Variants in TCEA3 observed in about 807,000 individuals in gnomAD.
TCEA3 encodes the protein transcription elongation factor A3, also known as transcription elongation factor A protein 3.
In TCEA3, 36 loss-of-function variants were observed where a neutral mutation model predicts 44.0. That is an observed-to-expected ratio of 0.82 (90% CI 0.63 to 1.08). The LOEUF (loss-of-function observed/expected upper bound fraction) is 1.08. Ranked by LOEUF, TCEA3 falls within the 50% of genes least tolerant of loss-of-function variation. The probability of loss-of-function intolerance (pLI) is 0.00; values close to 1 mark genes in which losing one functional copy is unlikely to be tolerated. For missense variants in TCEA3, 392 were observed against 441.2 expected, an observed-to-expected ratio of 0.89 and a Z score of 1.00; for synonymous variants, 162 against 159.7, an observed-to-expected ratio of 1.01 and a Z score of -0.11.
chr1:23,417,468 G>A (rs1639927586), intron 3 of TCEA3, 78 bp from the exon 4 acceptor site: 1 of 1,529,820 alleles, frequency 6.5e-7, no homozygotes, highest in Admixed American at 2.3e-5. Context: ...TGGGGAGAGA[G>A]CAAAGGGCAG....
chr1:23,408,421 A>T, intron 5 of TCEA3: 2 of 435,252 alleles, frequency 4.6e-6, no homozygotes, highest in Non-Finnish European at 8.3e-6. Context: ...GGATGAATGA[A>T]TAAATGAATG....
chr1:23,383,149 C>G (rs187371453), intron 10 of TCEA3, among the ~76,000 whole-genome samples: 56 of 151,828 alleles, frequency 3.7e-4, no homozygotes, highest in African/African-American at 8.7e-4. Flanking sequence ...GTGTGGTGGC[C>G]GGCGCCTTTA....
At chr1:23,415,848 T>C (rs1639872925) in intron 4 of TCEA3, among the ~76,000 whole-genome samples, 2 of 152,192 alleles carry the variant, frequency 1.3e-5, no homozygotes, top group South Asian at 4.1e-4. Context: ...TCACAGGCAT[T>C]ACCTTTTAAA....
At chr1:23,401,592 G>A (rs1301709625) in intron 5 of TCEA3, among the ~76,000 whole-genome samples, 4 of 152,148 alleles carry the variant, frequency 2.6e-5, no homozygotes, top group Non-Finnish European at 5.9e-5. Context: ...CCCCAAGCCT[G>A]ATCCTGGTCA....
chr1:23,395,692 G>C (rs1456778388), intron 7 of TCEA3, among the ~76,000 whole-genome samples: 5 of 152,146 alleles, frequency 3.3e-5, no homozygotes. Context: ...GCCAGGTGTG[G>C]TGGCGGGCAC....
intron 5 of TCEA3, among the ~76,000 whole-genome samples, 172 bp from the exon 6 acceptor site, chr1:23,398,127 C>A (rs778634475): frequency 2.6e-4 from 39 of 152,018 alleles, no homozygotes; most frequent in Non-Finnish European, 4.1e-4. Flanking sequence ...CTCGTGACAA[C>A]CCCATGAGGT....
At chr1:23,382,475 A>G (rs1166975000) in intron 10 of TCEA3, among the ~76,000 whole-genome samples, 1 of 152,220 alleles carries the variant, frequency 6.6e-6, no homozygotes, top group Non-Finnish European at 1.5e-5. Context: ...GTCTGTACTC[A>G]GGGCTTTTTT....
chr1:23,403,124 A>G (rs894784239), intron 5 of TCEA3, among the ~76,000 whole-genome samples: 1 of 152,264 alleles, frequency 6.6e-6, no homozygotes, highest in African/African-American at 2.4e-5. Context: ...GCCATTGCAC[A>G]TTCTCAACAG....
At position 23,397,829 on chromosome 1, in the gene TCEA3, CTTGTCCCGG is replaced by C; in HGVS notation, c.561_569del (p.Arg188_Lys190del). 6.2e-7 allele frequency: 1 copy of C among 1,614,004 alleles called. No homozygotes were observed. Among genetic ancestry groups the C allele is most frequent in the Non-Finnish European group, 8.5e-7 (1 of 1,179,900 alleles). ...GGGCTGCTGACAGCATCTCCACACA[CTTGTCCCGG>C]ACAGAGTCCCCTGTGAGATAGCAGG... On this transcript the variant is annotated inframe_deletion, in exon 6 of 11. Transcript: ENST00000450454.
intron 4 of TCEA3, among the ~76,000 whole-genome samples, chr1:23,416,616 A>G (rs894837121): frequency 6.6e-6 from 1 of 151,936 alleles, no homozygotes; most frequent in Non-Finnish European, 1.5e-5. Context: ...CTCAGCCTCC[A>G]GAGTAGTTAG....
At chr1:23,424,114 C>G (rs1011039793) in intron 1 of TCEA3, among the ~76,000 whole-genome samples, 1 of 152,148 alleles carries the variant, frequency 6.6e-6, no homozygotes, top group Non-Finnish European at 1.5e-5. Context: ...CTCAGTACCC[C>G]CGTCAGCCCA....
chr1:23,385,706 A>C (rs1486211264), intron 9 of TCEA3, among the ~76,000 whole-genome samples: 3 of 152,228 alleles, frequency 2.0e-5, no homozygotes, highest in Non-Finnish European at 4.4e-5. Context: ...TACCATGTGC[A>C]ACCCAGAAAG....
chr1:23,420,586 T>C lies in TCEA3; in HGVS notation c.70-1447A>G, dbSNP rs1162312741. Among the ~76,000 whole-genome samples, 5 of 152,356 alleles carry C rather than the reference T, an allele frequency of 3.3e-5. No homozygotes were observed. The East Asian group carries it at 9.6e-4, about 29-fold the overall frequency. Reference sequence around the variant, plus strand: ...TTCATTCACCGGTTGATGGGACTTATGGATAGGTTCCAGTTTGGGGCTGCT... The same window carrying C: ...TTCATTCACCGGTTGATGGGACTTACGGATAGGTTCCAGTTTGGGGCTGCT... On this transcript the variant is annotated intron_variant, in intron 1 of 10. Transcript: ENST00000450454.
intron 8 of TCEA3, among the ~76,000 whole-genome samples, chr1:23,391,780 G>A (rs1462108028): frequency 2.0e-5 from 3 of 151,878 alleles, no homozygotes; most frequent in African/African-American, 2.4e-5. Flanking sequence ...AAAATTAGCC[G>A]GGCATGGTGG....
intron 2 of TCEA3, 123 bp from the exon 3 acceptor site, chr1:23,418,132 T>C: frequency 1.1e-6 from 1 of 907,168 alleles, no homozygotes; most frequent in South Asian, 1.6e-5. Flanking sequence ...CCCAGAGTCC[T>C]AGCCCTGACT....
At chr1:23,423,411 T>G (rs1640121595) in intron 1 of TCEA3, among the ~76,000 whole-genome samples, 1 of 152,208 alleles carries the variant, frequency 6.6e-6, no homozygotes, top group Non-Finnish European at 1.5e-5. Context: ...ATGAAGAAAC[T>G]GAGGCTCTGG....
chr1:23,391,079 C>G (rs1418845146), intron 8 of TCEA3, among the ~76,000 whole-genome samples: 1 of 151,706 alleles, frequency 6.6e-6, no homozygotes, highest in East Asian at 1.9e-4. Flanking sequence ...GGCGCTTCCC[C>G]TCACAGCAGG....
In TCEA3 at chr1:23,395,827, C is replaced by CAAA. The variant is rs576778891; in HGVS notation, c.664+1715_664+1717dup. ...TGGGCAACAGAGCAAGATTCCATCT[C>CAAA]AAAAAAAAAAAAAAAAAGGAACTTT... On this transcript the variant is annotated intron_variant, in intron 7 of 10. Coordinates refer to ENST00000450454, the MANE Select transcript of TCEA3 (RefSeq NM_003196.3). Among the ~76,000 whole-genome samples the CAAA allele has an allele frequency of 3.3e-5, 3 of 90,866 alleles. No homozygotes were observed. The South Asian group carries it at 9.2e-4, about 28-fold the overall frequency. 59.6% of individuals were successfully genotyped at this position (90,866 alleles called of 152,430 possible).
intron 2 of TCEA3, 127 bp downstream of exon 2, chr1:23,418,950 G>A: frequency 1.5e-6 from 1 of 674,102 alleles, no homozygotes; most frequent in Admixed American, 4.3e-5. Context: ...TCCACCTCAA[G>A]ATCCCCTCCC....
Sources: gnomAD v4.1 joint callset for allele counts (sites outside exome capture counted in the v4.1 genomes callset) on GRCh38, gnomAD v4.1.1 for gene constraint, MANE v1.5 for transcripts, NCBI Gene and HGNC (gene_info 2026-07-23, HGNC 2026-07-21) for gene names.